Variants in EMILIN2 observed in about 807,000 individuals in gnomAD.
EMILIN2 encodes the protein elastin microfibril interfacer 2, also known as EMILIN-2.
EMILIN2 carries 71 observed loss-of-function variants against 87.1 expected under a neutral mutation model. That is an observed-to-expected ratio of 0.82 (90% confidence interval 0.67 to 0.99). The LOEUF (loss-of-function observed/expected upper bound fraction) is 0.99, where lower values mean the gene tolerates loss of function less well. Among genes scored for constraint, EMILIN2 ranks in the 50% least tolerant of loss-of-function variants. EMILIN2 has a pLI of 0.00. For missense variants in EMILIN2, 1,407 were observed against 1,371.8 expected (o/e 1.03, Z -0.40); for synonymous variants, 581 against 563.4 (o/e 1.03, Z -0.44).
intron 7 of EMILIN2, among the ~76,000 whole-genome samples, chr18:2,910,128 G>C (rs1416078725): frequency 1.3e-5 from 2 of 151,250 alleles, no homozygotes; most frequent in East Asian, 3.9e-4. Flanking sequence ...TGAGGGCTGT[G>C]CCGGCACAGC....
At chr18:2,866,341 C>A (rs1032819527) in intron 2 of EMILIN2, among the ~76,000 whole-genome samples, 1 of 152,192 alleles carries the variant, frequency 6.6e-6, no homozygotes, top group Admixed American at 6.5e-5. Context: ...TGGCTCCTTC[C>A]CCTCTATGAT....
intron 4 of EMILIN2, among the ~76,000 whole-genome samples, chr18:2,899,751 A>T (rs1469160063): frequency 3.9e-5 from 6 of 151,970 alleles, no homozygotes; most frequent in Non-Finnish European, 8.8e-5. Context: ...TGATCCATCC[A>T]CCTCAGCCTC....
At chr18:2,876,623 G>A (rs1341556291) in intron 2 of EMILIN2, among the ~76,000 whole-genome samples, 2 of 128,170 alleles carry the variant, frequency 1.6e-5, no homozygotes, top group African/African-American at 5.7e-5. Context: ...AAAATTAGCC[G>A]GGTGTGGTGG....
In EMILIN2 at chr18:2,859,860, A is replaced by G. The variant is rs143390637; in HGVS notation, c.257+11929A>G. On this transcript the variant is annotated intron_variant, in intron 2 of 7. Coordinates refer to ENST00000254528, the MANE Select transcript of EMILIN2 (RefSeq NM_032048.3). The stretch of plus-strand genomic sequence containing the variant: ...CCCACTTTATGTTTTTGTTTCCTTT[A>G]TTGACTATCAGTTGGCTGTAAGTAT... 5.6e-3 allele frequency among the ~76,000 whole-genome samples: 855 copies of G among 151,982 alleles called. 9 individuals are homozygous for G. The highest frequency in any genetic ancestry group is 0.019 in the African/African-American group (781 of 41,440).
At chr18:2,876,220 A>T (rs2076747090) in intron 2 of EMILIN2, among the ~76,000 whole-genome samples, 1 of 151,536 alleles carries the variant, frequency 6.6e-6, no homozygotes, top group African/African-American at 2.4e-5. Flanking sequence ...TGACCTCGTG[A>T]TCCACCCGCC....
intron 7 of EMILIN2, among the ~76,000 whole-genome samples, 156 bp downstream of exon 7, chr18:2,909,975 G>A (rs1011364865): frequency 3.9e-5 from 6 of 152,354 alleles, no homozygotes; most frequent in South Asian, 4.1e-4. Context: ...TCCTCTGCCC[G>A]ACTCTGTGGG....
At position 2,892,455 on chromosome 18, in the gene EMILIN2, G is replaced by A. The variant is rs1406617297; in HGVS notation, c.2328G>A (p.Leu776=). 2 of 1,602,154 alleles carry A rather than the reference G, an allele frequency of 1.2e-6. No individual in the cohort carries two copies. The highest frequency in any genetic ancestry group is 1.7e-6 in the Non-Finnish European group (2 of 1,171,838). Residue 776 remains leucine (L), a synonymous_variant, in exon 4 of 8, where the codon TTG becomes TTA. Coordinates refer to ENST00000254528, the MANE Select transcript of EMILIN2 (RefSeq NM_032048.3). The part of the protein sequence containing the change: ...YSHVFQISTD[L]QDLVKFQPSA... ...ACGTCTTCCAGATTTCTACTGATTTGCAAGATCTGGTCAAATTTCAGCCAT... is the reference window on the plus strand; with the variant it reads ...ACGTCTTCCAGATTTCTACTGATTTACAAGATCTGGTCAAATTTCAGCCAT...
At position 2,869,379 on chromosome 18, in the gene EMILIN2, A is replaced by G. The variant is rs1336564030; in HGVS notation, c.258-15585A>G. Among the ~76,000 whole-genome samples the G allele has an allele frequency of 2.0e-5, 3 of 152,350 alleles. No homozygotes were observed. In the East Asian group the frequency reaches 5.8e-4, roughly 29 times the overall value. The stretch of plus-strand genomic sequence containing the variant: ...TTTGACATATATACCCGTGAAACCA[A>G]CATCACAATCAACATATCCCTTGCT... On this transcript the variant is annotated intron_variant, in intron 2 of 7. Coordinates refer to ENST00000254528, the MANE Select transcript of EMILIN2 (RefSeq NM_032048.3).
At chr18:2,889,815 A>G (rs757904326) in intron 3 of EMILIN2, among the ~76,000 whole-genome samples, 1 of 141,998 alleles carries the variant, frequency 7.0e-6, no homozygotes, top group Admixed American at 7.3e-5. Context: ...GGCACACACC[A>G]CCTCCCTGAC....
chr18:2,906,467 G>A, intron 4 of EMILIN2: 1 of 222,934 alleles, frequency 4.5e-6, no homozygotes. Flanking sequence ...CGCGGTTTCC[G>A]CGTGCTGTGA....
intron 3 of EMILIN2, among the ~76,000 whole-genome samples, chr18:2,885,678 C>T (rs1257312240): frequency 2.6e-5 from 4 of 151,980 alleles, no homozygotes; most frequent in Admixed American, 1.3e-4. Flanking sequence ...CCACCATGCC[C>T]GGCTGATTTT....
At chr18:2,907,955 G>T (rs1218025795) in intron 5 of EMILIN2, among the ~76,000 whole-genome samples, 2 of 152,216 alleles carry the variant, frequency 1.3e-5, no homozygotes, top group Non-Finnish European at 1.5e-5. Flanking sequence ...CAGGGCTGGG[G>T]TTGTTCCCCA....
chr18:2,913,787 C>T lies in EMILIN2; in HGVS notation c.*383C>T, dbSNP rs935401983. The T allele has an allele frequency of 9.6e-5, 20 of 207,932 alleles. No individual in the cohort carries two copies. In the South Asian group the frequency reaches 1.5e-3, roughly 16 times the overall value. 12.9% of individuals were successfully genotyped at this position (207,932 alleles called of 1,614,324 possible). A position where few individuals can be genotyped will look rare whatever the true frequency, so the allele number is the denominator to read the frequency against. On this transcript the variant is annotated 3_prime_UTR_variant, in exon 8 of 8. Coordinates refer to ENST00000254528, the MANE Select transcript of EMILIN2 (RefSeq NM_032048.3). ...ACGGTGGCTGGTCTTTACTGCAGGG[C>T]AGCACTGTGGCCAGCTGTCTGTCTT... is the stretch of plus-strand genomic sequence containing the variant.
chr18:2,903,597 A>G (rs1173391251), intron 4 of EMILIN2, among the ~76,000 whole-genome samples: 2 of 152,138 alleles, frequency 1.3e-5, no homozygotes, highest in African/African-American at 2.4e-5. Context: ...TGCAACATCT[A>G]TGCTATGCTG....
At chr18:2,855,257 T>G (rs1427996431) in intron 2 of EMILIN2, among the ~76,000 whole-genome samples, 3 of 152,216 alleles carry the variant, frequency 2.0e-5, no homozygotes, top group African/African-American at 7.2e-5. Context: ...AGGTTCCCAG[T>G]GGAGGAGATG....
rs2076958943 is a variant in EMILIN2 at position 2,914,919 on chromosome 18, G to A, written c.*1515G>A. 6.6e-6 allele frequency: 1 copy of A among 152,250 alleles called. No individual in the cohort carries two copies. Among genetic ancestry groups the A allele is most frequent in the Non-Finnish European group, 1.5e-5 (1 of 68,064 alleles). The allele number at this position is 152,250 out of a possible 1,614,324, so 9.4% of individuals were successfully genotyped here. A position where few individuals can be genotyped will look rare whatever the true frequency, so the allele number is the denominator to read the frequency against. ...ACCCCATTACAACAGCTGGGGAACTGGCTAAAGAGAGCTGTCAGAGAGTAT... is the reference window on the plus strand; with the variant it reads ...ACCCCATTACAACAGCTGGGGAACTAGCTAAAGAGAGCTGTCAGAGAGTAT... On this transcript the variant is annotated 3_prime_UTR_variant, in exon 8 of 8. Transcript: ENST00000254528.
chr18:2,894,576 G>A lies in EMILIN2; in HGVS notation c.2359+2090G>A, dbSNP rs1360859733. Among the ~76,000 whole-genome samples, 1 of 152,212 alleles carries A rather than the reference G, an allele frequency of 6.6e-6. No individual in the cohort carries two copies. Among genetic ancestry groups the A allele is most frequent in the South Asian group, 2.1e-4 (1 of 4,826 alleles). On this transcript the variant is annotated intron_variant, in intron 4 of 7. Transcript: ENST00000254528. The surrounding 1 kb of genome is among the most constrained non-coding windows in gnomAD (Gnocchi z 5.0). ...TCCAGTTGATTTGGAACTCCCTGGT[G>A]GCGTGGGAAGCTGTGTTAACATTTT...
chr18:2,895,865 C>T (rs528991065), intron 4 of EMILIN2, among the ~76,000 whole-genome samples: 84 of 152,298 alleles, frequency 5.5e-4, no homozygotes, highest in African/African-American at 2.0e-3. Context: ...TAATGGTGGT[C>T]ATGATATCTA....
chr18:2,861,382 T>C (rs1158561915), intron 2 of EMILIN2, among the ~76,000 whole-genome samples: 1 of 152,248 alleles, frequency 6.6e-6, no homozygotes, highest in Non-Finnish European at 1.5e-5. Context: ...CATTTAAGTC[T>C]TTAATCCATC....
Sources: gnomAD v4.1 joint callset for allele counts (sites outside exome capture counted in the v4.1 genomes callset) on GRCh38, gnomAD v4.1.1 for gene constraint, Gnocchi (gnomAD v3.1) non-coding constraint, MANE v1.5 for transcripts, NCBI Gene and HGNC (gene_info 2026-07-23, HGNC 2026-07-21) for gene names.